SHC2: variants seen among roughly 807,000 people sequenced by gnomAD.
SHC2 encodes the protein SHC adaptor protein 2, also known as SHC-transforming protein 2.
In SHC2, 62 loss-of-function variants were observed where a neutral mutation model predicts 60.6. The ratio of observed to expected loss-of-function variants is 1.02; its 90% CI spans 0.83 to 1.26. The LOEUF is 1.26. Ranked by LOEUF, SHC2 falls within the 50% of genes most tolerant of loss-of-function variation. The probability of loss-of-function intolerance (pLI) is 0.00; values close to 1 mark genes in which losing one functional copy is unlikely to be tolerated. For synonymous variants in SHC2, 375 were observed against 372.4 expected (o/e 1.01, Z -0.08); for missense variants, 873 against 822.2 (o/e 1.06, Z -0.76).
chr19:422,811 C>A lies in SHC2; in HGVS notation c.1310-355G>T. ...CCTCTCGTTTCCTTGTCTGGTCTTA[C>A]TGCATTGGCCGCGGGGCCTCCAATG... On this transcript the variant is annotated intron_variant, in intron 10 of 12. Coordinates refer to ENST00000264554, the MANE Select transcript of SHC2 (RefSeq NM_012435.3). The surrounding 1 kb of genome is among the most constrained non-coding windows in gnomAD (Gnocchi z 5.0). 4.8e-6 allele frequency: 1 copy of A among 208,560 alleles called. No homozygotes were observed. The highest frequency in any genetic ancestry group is 9.5e-6 in the Non-Finnish European group (1 of 104,968). The allele number at this position is 208,560 out of a possible 1,614,324, so 12.9% of individuals were successfully genotyped here. A position where few individuals can be genotyped will look rare whatever the true frequency, so the allele number is the denominator to read the frequency against.
At chr19:444,893 C>T (rs1306508081) in intron 1 of SHC2, among the ~76,000 whole-genome samples, 3 of 152,242 alleles carry the variant, frequency 2.0e-5, no homozygotes, top group Non-Finnish European at 4.4e-5. Flanking sequence ...ATGCCATGGG[C>T]AGCAATGGCC....
In SHC2 at chr19:435,813, C is replaced by G. The variant is rs556606435; in HGVS notation, c.953+352G>C. On this transcript the variant is annotated intron_variant, in intron 7 of 12. Transcript: ENST00000264554. ...TTACCAGCACACAGACACGTCCCCC[C>G]CTTTACACATGTTCTGCGGTGAGAC... The G allele has an allele frequency of 2.4e-3, 630 of 258,512 alleles. 4 individuals are homozygous for G. The highest frequency in any genetic ancestry group is 3.1e-3 in the Non-Finnish European group (406 of 131,258). 16.0% of individuals were successfully genotyped at this position (258,512 alleles called of 1,614,324 possible).
chr19:449,884 C>T (rs1975137253), intron 1 of SHC2, among the ~76,000 whole-genome samples: 1 of 152,226 alleles, frequency 6.6e-6, no homozygotes, highest in Non-Finnish European at 1.5e-5. Flanking sequence ...AACTTTTCGT[C>T]TCAATAGAAT....
At chr19:436,138 G>C (rs757977855) in intron 7 of SHC2, 27 bp downstream of exon 7, 37 of 1,608,500 alleles carry the variant, frequency 2.3e-5, no homozygotes, top group Non-Finnish European at 3.1e-5. Context: ...GGTGTCCCCA[G>C]GGCACGGGGG....
chr19:434,267 C>G (rs979005886), intron 8 of SHC2, among the ~76,000 whole-genome samples: 4 of 3,262 alleles, frequency 1.2e-3, no homozygotes, highest in Non-Finnish European at 2.5e-3. Flanking sequence ...TGAGTGAGAT[C>G]ATGAGTGAGA....
In SHC2 at chr19:442,000, G is replaced by A. The variant is rs568972305; in HGVS notation, c.469-1068C>T. On this transcript the variant is annotated intron_variant, in intron 1 of 12. Coordinates refer to ENST00000264554, the MANE Select transcript of SHC2 (RefSeq NM_012435.3). The surrounding 1 kb of genome is among the most constrained non-coding windows in gnomAD (Gnocchi z 4.9). ...CGGCTCCATGTACCTGGAGCAGGGA[G>A]AGCAAGGAGCAGAGACAGATGTGAG... Among the ~76,000 whole-genome samples, 1 of 152,344 alleles carries A rather than the reference G, an allele frequency of 6.6e-6. No homozygotes were observed. The highest frequency in any genetic ancestry group is 2.1e-4 in the South Asian group (1 of 4,824).
At position 446,379 on chromosome 19, in the gene SHC2, C is replaced by T. The variant is rs1600312990; in HGVS notation, c.469-5447G>A. On this transcript the variant is annotated intron_variant, in intron 1 of 12. Coordinates refer to ENST00000264554, the MANE Select transcript of SHC2 (RefSeq NM_012435.3). This position sits in a 1 kb window ranked among gnomAD's most constrained non-coding sequence, Gnocchi z 5.4. ...AGGCTGGAGTGCGGTGGTGCGATCA[C>T]GACTCACTGCAACTTCCGCCTCCCG... Among the ~76,000 whole-genome samples, 8 of 152,232 alleles carry T rather than the reference C, an allele frequency of 5.3e-5. No homozygotes were observed. The South Asian group carries it at 1.7e-3, about 32-fold the overall frequency.
intron 6 of SHC2, 22 bp downstream of exon 6, chr19:436,358 C>T: frequency 6.3e-7 from 1 of 1,596,262 alleles, no homozygotes; most frequent in Non-Finnish European, 8.6e-7. Context: ...AGGACCCCCA[C>T]CGGCCTCCCC....
At position 445,365 on chromosome 19, in the gene SHC2, G is replaced by C. The variant is rs891404054; in HGVS notation, c.469-4433C>G. Among the ~76,000 whole-genome samples, 14 of 152,174 alleles carry C rather than the reference G, an allele frequency of 9.2e-5. No homozygotes were observed. The highest frequency in any genetic ancestry group is 5.9e-4 in the Admixed American group (9 of 15,278). On this transcript the variant is annotated intron_variant, in intron 1 of 12. Coordinates refer to ENST00000264554, the MANE Select transcript of SHC2 (RefSeq NM_012435.3). The surrounding 1 kb of genome is among the most constrained non-coding windows in gnomAD (Gnocchi z 4.4). ...AGGACACAGGAGAACACGGCCCTCT[G>C]TAAAGAGGCCCTCGCCAGACACTGA...
At chr19:454,540 A>G (rs1213664296) in intron 1 of SHC2, among the ~76,000 whole-genome samples, 4 of 152,182 alleles carry the variant, frequency 2.6e-5, no homozygotes, top group Non-Finnish European at 5.9e-5. Context: ...TCATCCCAGC[A>G]CTTTGGGAGG....
chr19:424,747 C>CA lies in SHC2; in HGVS notation c.1309+349dup, dbSNP rs1974366462. ...ACAGAGCGGGGGCCAGCGGCATTCC[C>CA]AACCAGACTGGGGGTTCAGCAGGGA... On this transcript the variant is annotated intron_variant, in intron 10 of 12. Transcript: ENST00000264554. This position sits in a 1 kb window ranked among gnomAD's most constrained non-coding sequence, Gnocchi z 4.5. Among the ~76,000 whole-genome samples the CA allele has an allele frequency of 6.6e-6, 1 of 152,142 alleles. No individual in the cohort carries two copies. The highest frequency in any genetic ancestry group is 2.1e-4 in the South Asian group (1 of 4,818).
In SHC2 at chr19:434,814, C is replaced by T. The variant is rs1410323318; in HGVS notation, c.1005G>A (p.Glu335=). The change falls in exon 8 of 13, where the codon GAG becomes GAA. Residue 335 remains glutamate (E), a synonymous_variant. Coordinates refer to ENST00000264554, the MANE Select transcript of SHC2 (RefSeq NM_012435.3). ...CCGGGATGCTGTTGTAGTAATTGTG[C>T]TCCAAAGAGTCCTCCTCGTCCCCCC... ...SAWGDEEDSL[E]HNYYNSIPGK... is the part of the protein sequence containing the mutation. 3 of 1,612,754 alleles carry T rather than the reference C, an allele frequency of 1.9e-6. No individual in the cohort carries two copies. Among genetic ancestry groups the T allele is most frequent in the South Asian group, 1.1e-5 (1 of 91,082 alleles).
intron 9 of SHC2, 79 bp downstream of exon 9, chr19:430,605 G>A: frequency 8.9e-7 from 1 of 1,127,606 alleles, no homozygotes; most frequent in Non-Finnish European, 1.3e-6. Flanking sequence ...GAGAAAGACT[G>A]AGGGGGAGCC....
At chr19:442,381 A>G (rs1974893482) in intron 1 of SHC2, among the ~76,000 whole-genome samples, 3 of 113,662 alleles carry the variant, frequency 2.6e-5, no homozygotes, top group African/African-American at 1.0e-4. Flanking sequence ...GTGGGTGGGT[A>G]GATGAGTAGA....
intron 1 of SHC2, among the ~76,000 whole-genome samples, chr19:460,121 C>A (rs1322110484): frequency 1.3e-5 from 2 of 152,242 alleles, no homozygotes; most frequent in African/African-American, 4.8e-5. Context: ...AGCCCCTTTC[C>A]AAACACCCCT....
At chr19:436,128 G>A (rs561771923) in intron 7 of SHC2, 37 bp downstream of exon 7, 3 of 1,604,136 alleles carry the variant, frequency 1.9e-6, no homozygotes, top group African/African-American at 2.7e-5. Flanking sequence ...GGTCACTGGG[G>A]GTGTCCCCAG....
Position 445,410 on chromosome 19 carries a change from G to A in SHC2, c.469-4478C>T, listed in dbSNP as rs1046095764. Among the ~76,000 whole-genome samples the A allele has an allele frequency of 1.3e-5, 2 of 152,150 alleles. No individual in the cohort carries two copies. Among genetic ancestry groups the A allele is most frequent in the African/African-American group, 4.8e-5 (2 of 41,432 alleles). ...CACTGAATCTTCCGGCGCCTCGATC[G>A]TGGCCCTCCCAGCCTCCAGAACCGT... On this transcript the variant is annotated intron_variant, in intron 1 of 12. Coordinates refer to ENST00000264554, the MANE Select transcript of SHC2 (RefSeq NM_012435.3). The surrounding 1 kb of genome is among the most constrained non-coding windows in gnomAD (Gnocchi z 4.4).
intron 9 of SHC2, among the ~76,000 whole-genome samples, chr19:428,217 G>A (rs1974469504): frequency 1.3e-5 from 2 of 152,188 alleles, no homozygotes; most frequent in African/African-American, 4.8e-5. Flanking sequence ...AAAGCAAGAC[G>A]TCTCAAAAAC....
intron 1 of SHC2, among the ~76,000 whole-genome samples, chr19:456,047 G>A (rs1303937589): frequency 1.3e-5 from 2 of 152,182 alleles, no homozygotes. Context: ...CCCGCAGGAG[G>A]ACCCTCAGCC....
Sources: allele counts gnomAD v4.1 joint callset (sites outside exome capture counted in the v4.1 genomes callset), GRCh38; gene constraint gnomAD v4.1.1; non-coding constraint Gnocchi (gnomAD v3.1); transcripts MANE v1.5; gene names NCBI Gene and HGNC (gene_info 2026-07-23, HGNC 2026-07-21).